The following ARHGAP18 variants were observed in gnomAD, a reference collection of about 807,000 sequenced individuals.
ARHGAP18 encodes the protein Rho GTPase activating protein 18.
In ARHGAP18, 67 loss-of-function variants were observed where a neutral mutation model predicts 86.2. That is an observed-to-expected ratio of 0.78 (90% CI 0.64 to 0.95). ARHGAP18 has a LOEUF of 0.95. ARHGAP18 is among the 40% of genes least tolerant of loss of function. ARHGAP18 has a pLI of 0.00. For synonymous variants in ARHGAP18, 283 were observed against 280.4 expected (o/e 1.01, Z -0.09); for missense variants, 691 against 780.4 (o/e 0.89, Z 1.37).
At chr6:129,689,191 A>C (rs190373107) in intron 1 of ARHGAP18, among the ~76,000 whole-genome samples, 70 of 152,306 alleles carry the variant, frequency 4.6e-4, no homozygotes, top group Middle Eastern at 3.4e-3. Flanking sequence ...TCCAGCCTGA[A>C]AGACACCAAG....
At chr6:129,652,548 C>T (rs186069368) in intron 1 of ARHGAP18, among the ~76,000 whole-genome samples, 1 of 152,254 alleles carries the variant, frequency 6.6e-6, no homozygotes, top group African/African-American at 2.4e-5. Flanking sequence ...CAAAATTCCC[C>T]CATCATAATT....
intron 4 of ARHGAP18, among the ~76,000 whole-genome samples, chr6:129,633,663 A>G (rs954610998): frequency 1.3e-5 from 2 of 152,178 alleles, no homozygotes; most frequent in African/African-American, 4.8e-5. Context: ...CTCAGGGACT[A>G]GCTGTGTTGC....
At chr6:129,623,133 G>A (rs1160059911) in intron 5 of ARHGAP18, among the ~76,000 whole-genome samples, 1 of 150,924 alleles carries the variant, frequency 6.6e-6, no homozygotes, top group Non-Finnish European at 1.5e-5. Flanking sequence ...TTGCTCTTTT[G>A]TAGGATTTGC....
rs1016342211 is a variant in ARHGAP18, at chr6:129,578,349, G to A, written c.*164C>T. ...CATTAATAATAATTAATATAATTCT[G>A]GCAGCAGCACAAATCTATGACTTTT... is the stretch of plus-strand genomic sequence containing the variant. On this transcript the variant is annotated 3_prime_UTR_variant, in exon 15 of 15. Coordinates refer to ENST00000368149, the MANE Select transcript of ARHGAP18 (RefSeq NM_033515.3). The A allele has an allele frequency of 3.0e-6, 1 of 336,372 alleles. No homozygotes were observed. Among genetic ancestry groups the A allele is most frequent in the Non-Finnish European group, 5.3e-6 (1 of 189,742 alleles). 20.8% of individuals were successfully genotyped at this position (336,372 alleles called of 1,614,324 possible). A position where few individuals can be genotyped will look rare whatever the true frequency, so the allele number is the denominator to read the frequency against.
intron 1 of ARHGAP18, among the ~76,000 whole-genome samples, chr6:129,653,286 A>T (rs183026732): frequency 1.3e-5 from 2 of 152,200 alleles, no homozygotes; most frequent in African/African-American, 4.8e-5. Context: ...TTATAAAGTA[A>T]TGTTGGTAAA....
chr6:129,658,890 G>A (rs1455537477), intron 1 of ARHGAP18, among the ~76,000 whole-genome samples: 1 of 152,174 alleles, frequency 6.6e-6, no homozygotes, highest in Non-Finnish European at 1.5e-5. Context: ...CCTTCCGGAG[G>A]TGCTTCAAAT....
chr6:129,611,637 A>G, intron 7 of ARHGAP18, 27 bp from the exon 8 acceptor site: 1 of 1,596,732 alleles, frequency 6.3e-7, no homozygotes, highest in Non-Finnish European at 8.6e-7. Flanking sequence ...AAACATTCTA[A>G]TTTCCGTATT....
chr6:129,629,263 G>A (rs1584067644), intron 5 of ARHGAP18, 90 bp downstream of exon 5: 15 of 977,944 alleles, frequency 1.5e-5, no homozygotes, highest in Non-Finnish European at 2.1e-5. Context: ...ATATATATAT[G>A]TGTGTGTGCG....
chr6:129,593,446 G>A (rs1333406021), intron 12 of ARHGAP18, among the ~76,000 whole-genome samples: 6 of 152,066 alleles, frequency 3.9e-5, no homozygotes, highest in Admixed American at 3.3e-4. Flanking sequence ...GGGTGAAAAA[G>A]CAAGACCTTA....
At chr6:129,684,528 A>C (rs1461641750) in intron 1 of ARHGAP18, among the ~76,000 whole-genome samples, 1 of 152,248 alleles carries the variant, frequency 6.6e-6, no homozygotes, top group East Asian at 1.9e-4. Context: ...CAAAGTTTTG[A>C]AAGTTCCTAA....
chr6:129,592,859 T>G (rs1480992666), intron 12 of ARHGAP18, among the ~76,000 whole-genome samples: 1 of 152,080 alleles, frequency 6.6e-6, no homozygotes, highest in Non-Finnish European at 1.5e-5. Flanking sequence ...AAGATATCCT[T>G]TAAAATTCTA....
chr6:129,646,395 T>C (rs892223988), intron 1 of ARHGAP18, among the ~76,000 whole-genome samples: 2 of 152,196 alleles, frequency 1.3e-5, no homozygotes, highest in Non-Finnish European at 2.9e-5. Context: ...CCTCCCACTG[T>C]TTAATAAGGT....
At chr6:129,649,232 T>TTA (rs1773650274) in intron 1 of ARHGAP18, among the ~76,000 whole-genome samples, 1 of 152,220 alleles carries the variant, frequency 6.6e-6, no homozygotes, top group African/African-American at 2.4e-5. Context: ...TGAAATTTAC[T>TTA]TATTTCTTTC....
At chr6:129,637,068 T>C (rs1193465159) in intron 3 of ARHGAP18, among the ~76,000 whole-genome samples, 1 of 152,046 alleles carries the variant, frequency 6.6e-6, no homozygotes, top group Non-Finnish European at 1.5e-5. Context: ...GTTGTTGTTG[T>C]TGTTGTTGTT....
At chr6:129,709,992 T>G in intron 1 of ARHGAP18, 32 bp downstream of exon 1, 2 of 1,547,698 alleles carry the variant, frequency 1.3e-6, no homozygotes, top group Non-Finnish European at 1.8e-6. Context: ...GGTAAGAGGG[T>G]TTTGTTTTGT....
chr6:129,608,107 T>G (rs899166987), intron 8 of ARHGAP18, 55 bp from the exon 9 acceptor site: 1 of 1,502,590 alleles, frequency 6.7e-7, no homozygotes, highest in African/African-American at 1.4e-5. Flanking sequence ...GAAGTGCATT[T>G]TTTTTCTTGC....
chr6:129,702,197 C>T (rs1295205978), intron 1 of ARHGAP18, among the ~76,000 whole-genome samples: 2 of 152,178 alleles, frequency 1.3e-5, no homozygotes, highest in Non-Finnish European at 2.9e-5. Flanking sequence ...CAGGTAGTAA[C>T]TGGTCACACG....
chr6:129,592,282 A>G (rs6923483), intron 12 of ARHGAP18, among the ~76,000 whole-genome samples: 30,746 of 152,194 alleles, frequency 0.2, 5,954 homozygotes, highest in African/African-American at 0.48. Context: ...GCTTTGCAGC[A>G]AGAACTGTTA....
At chr6:129,601,506 A>AAGAGAAAAGAGAGAAG (rs555045482) in intron 10 of ARHGAP18, among the ~76,000 whole-genome samples, 1 of 151,994 alleles carries the variant, frequency 6.6e-6, no homozygotes, top group Non-Finnish European at 1.5e-5. Context: ...GAAAAGAGAA[A>AAGAGAAAAGAGAGAAG]AGAGAAAAGA....
Sources: gnomAD v4.1 joint callset for allele counts (sites outside exome capture counted in the v4.1 genomes callset) on GRCh38, gnomAD v4.1.1 for gene constraint, MANE v1.5 for transcripts, NCBI Gene and HGNC (gene_info 2026-07-23, HGNC 2026-07-21) for gene names.